The following HS3ST4 variants were observed in gnomAD, a reference collection of about 807,000 sequenced individuals.
The protein encoded by HS3ST4 is heparan sulfate glucosamine 3-O-sulfotransferase 4.
Under a neutral mutation model 29.2 loss-of-function variants are expected in HS3ST4, and 17 were observed. That is an observed-to-expected ratio of 0.58 (90% CI 0.40 to 0.87). HS3ST4 has a LOEUF of 0.87. Among genes scored for constraint, HS3ST4 ranks in the 40% least tolerant of loss-of-function variants. HS3ST4 has a pLI of 0.00. For missense variants in HS3ST4, 627 were observed against 634.5 expected (o/e 0.99, Z 0.13); for synonymous variants, 314 against 285.7 (o/e 1.10, Z -1.00).
chr16:25,814,373 G>A (rs1009724838), intron 1 of HS3ST4, among the ~76,000 whole-genome samples: 9 of 152,002 alleles, frequency 5.9e-5, no homozygotes, highest in African/African-American at 2.2e-4. Flanking sequence ...GGGAGATGGA[G>A]TCTCACTCTG....
intron 1 of HS3ST4, among the ~76,000 whole-genome samples, chr16:26,070,966 T>G (rs1007433622): frequency 1.3e-5 from 2 of 152,248 alleles, no homozygotes; most frequent in Non-Finnish European, 2.9e-5. Flanking sequence ...GGAGACATTC[T>G]TCATTAAAGC....
chr16:26,015,311 A>G (rs779733974), intron 1 of HS3ST4, among the ~76,000 whole-genome samples: 17 of 152,230 alleles, frequency 1.1e-4, no homozygotes, highest in Non-Finnish European at 2.2e-4. Flanking sequence ...AACGATACGT[A>G]TTACAACCAA....
At chr16:25,790,647 A>G (rs1462289530) in intron 1 of HS3ST4, among the ~76,000 whole-genome samples, 1 of 152,112 alleles carries the variant, frequency 6.6e-6, no homozygotes, top group South Asian at 2.1e-4. Context: ...GATAAGATTG[A>G]CCACTCTTTC....
chr16:25,808,048 T>C (rs1967005405), intron 1 of HS3ST4, among the ~76,000 whole-genome samples: 2 of 152,164 alleles, frequency 1.3e-5, no homozygotes, highest in African/African-American at 4.8e-5. Context: ...AGATGTGTGA[T>C]TTGTAGATAT....
At chr16:26,003,583 C>G (rs1379748594) in intron 1 of HS3ST4, among the ~76,000 whole-genome samples, 2 of 152,172 alleles carry the variant, frequency 1.3e-5, no homozygotes, top group Non-Finnish European at 2.9e-5. Flanking sequence ...CTTAGCAGGA[C>G]TATGTCTTTT....
intron 1 of HS3ST4, among the ~76,000 whole-genome samples, chr16:26,086,358 T>C (rs959923257): frequency 9.0e-6 from 1 of 110,682 alleles, no homozygotes; most frequent in South Asian, 3.2e-4. Flanking sequence ...TCTTTTTTTT[T>C]CTTTTTTTTG....
intron 1 of HS3ST4, among the ~76,000 whole-genome samples, chr16:25,705,664 A>C (rs936976285): frequency 6.6e-6 from 1 of 151,904 alleles, no homozygotes. Flanking sequence ...TTCCATCCCA[A>C]AAAAAAATAA....
intron 1 of HS3ST4, among the ~76,000 whole-genome samples, chr16:25,870,469 A>G (rs1967738993): frequency 6.6e-6 from 1 of 152,174 alleles, no homozygotes; most frequent in South Asian, 2.1e-4. Flanking sequence ...AGTGAATCAA[A>G]TAGTTGTCCT....
chr16:26,023,789 T>C (rs1244531992), intron 1 of HS3ST4, among the ~76,000 whole-genome samples: 1 of 152,146 alleles, frequency 6.6e-6, no homozygotes, highest in East Asian at 1.9e-4. Flanking sequence ...TGGGGTAGAA[T>C]GCACATGATG....
chr16:25,738,052 G>A (rs1367843452), intron 1 of HS3ST4, among the ~76,000 whole-genome samples: 3 of 151,916 alleles, frequency 2.0e-5, no homozygotes, highest in South Asian at 2.1e-4. Flanking sequence ...TTACAGGCAC[G>A]TGCCACCACG....
chr16:26,000,379 T>C (rs757503662), intron 1 of HS3ST4, among the ~76,000 whole-genome samples: 1 of 152,156 alleles, frequency 6.6e-6, no homozygotes, highest in Admixed American at 6.6e-5. Context: ...ATATATATGC[T>C]CTTCATAATT....
intron 1 of HS3ST4, among the ~76,000 whole-genome samples, chr16:25,845,118 G>T (rs1477197519): frequency 7.2e-5 from 11 of 152,076 alleles, no homozygotes; most frequent in African/African-American, 2.7e-4. Context: ...TCTAGGTGAT[G>T]GGTTGATAGG....
chr16:25,993,982 GTGTGTGTGTGTGTGTGTGTGTGT>G, intron 1 of HS3ST4, among the ~76,000 whole-genome samples: 1 of 128,050 alleles, frequency 7.8e-6, no homozygotes, highest in Middle Eastern at 4.1e-3. Context: ...GTGTGTGTGT[GTGTGTGTGTGTGTGTGTGTGTGT>G]GTGGTGGAGA....
intron 1 of HS3ST4, among the ~76,000 whole-genome samples, chr16:25,837,024 T>C (rs185254907): frequency 4.8e-4 from 73 of 152,352 alleles, no homozygotes; most frequent in Admixed American, 1.2e-3. Context: ...TGTCCCCAGA[T>C]CTTTCCAGGT....
chr16:26,051,786 TTCTC>T (rs1181476710), intron 1 of HS3ST4, among the ~76,000 whole-genome samples: 1 of 151,218 alleles, frequency 6.6e-6, no homozygotes, highest in Non-Finnish European at 1.5e-5. Flanking sequence ...CTTTCTTTCT[TTCTC>T]TCTTTCTTTT....
intron 1 of HS3ST4, among the ~76,000 whole-genome samples, chr16:26,073,711 G>A (rs962505282): frequency 1.5e-4 from 23 of 152,122 alleles, no homozygotes; most frequent in Admixed American, 1.0e-3. Context: ...AGCATCACAC[G>A]CACTGTAGGT....
intron 1 of HS3ST4, among the ~76,000 whole-genome samples, chr16:25,909,508 G>T (rs1054522108): frequency 6.6e-5 from 10 of 152,266 alleles, no homozygotes; most frequent in Non-Finnish European, 8.8e-5. Flanking sequence ...GCTCCCAAGT[G>T]ATCTTTGGAC....
intron 1 of HS3ST4, among the ~76,000 whole-genome samples, chr16:26,048,064 C>A (rs1372123426): frequency 6.6e-6 from 1 of 152,170 alleles, no homozygotes; most frequent in Non-Finnish European, 1.5e-5. Flanking sequence ...CTCCTGAGAC[C>A]TTTCTCCAGG....
chr16:25,962,980 C>T (rs1968809188), intron 1 of HS3ST4, among the ~76,000 whole-genome samples: 2 of 152,146 alleles, frequency 1.3e-5, no homozygotes, highest in South Asian at 4.1e-4. Context: ...CCTACTACCA[C>T]CCAAGATGTA....
Sources: allele counts gnomAD v4.1 joint callset (sites outside exome capture counted in the v4.1 genomes callset), GRCh38; gene constraint gnomAD v4.1.1; transcripts MANE v1.5; gene names NCBI Gene and HGNC (gene_info 2026-07-23, HGNC 2026-07-21).